The following OXR1 variants were observed in gnomAD, a reference collection of about 807,000 sequenced individuals.
The protein encoded by OXR1 is oxidation resistance 1.
In OXR1, 41 loss-of-function variants were observed where a neutral mutation model predicts 104.6. The ratio of observed to expected loss-of-function variants is 0.39; its 90% confidence interval spans 0.31 to 0.51. The LOEUF (loss-of-function observed/expected upper bound fraction) is 0.51, where lower values mean the gene tolerates loss of function less well. OXR1 is among the 20% of genes least tolerant of loss of function. The pLI is 0.77. For missense variants in OXR1, 955 were observed against 1,031.9 expected, an observed-to-expected ratio of 0.93 and a Z score of 1.02; for synonymous variants, 348 against 348.4, an observed-to-expected ratio of 1.00 and a Z score of 0.01.
chr8:106,671,989 TA>T (rs921658374), intron 3 of OXR1, among the ~76,000 whole-genome samples: 1 of 144,344 alleles, frequency 6.9e-6, no homozygotes, highest in Non-Finnish European at 1.5e-5. Flanking sequence ...ATAATAATAA[TA>T]ATAATAATAA....
intron 2 of OXR1, among the ~76,000 whole-genome samples, chr8:106,489,693 T>C (rs1232550011): frequency 1.3e-5 from 2 of 152,174 alleles, no homozygotes; most frequent in South Asian, 2.1e-4. Flanking sequence ...TTTCAAAAAC[T>C]ATTTCATTTT....
At chr8:106,691,875 G>A (rs1829320344) in intron 6 of OXR1, among the ~76,000 whole-genome samples, 1 of 150,056 alleles carries the variant, frequency 6.7e-6, no homozygotes, top group South Asian at 2.1e-4. Flanking sequence ...TGATAACATA[G>A]GTTTGCATCT....
At position 106,684,269 on chromosome 8, in the gene OXR1, A is replaced by C; in HGVS notation, c.435A>C (p.Glu145Asp). 6.3e-7 allele frequency: 1 copy of C among 1,597,424 alleles called. No homozygotes were observed. The highest frequency in any genetic ancestry group is 8.6e-7 in the Non-Finnish European group (1 of 1,165,192). The change falls in exon 6 of 17, where the codon GAA (glutamate) becomes GAC (aspartate). Residue 145 changes from glutamate to aspartate, a missense_variant. Glu to Asp is a conservative substitution (Grantham distance 45). This residue lies in a region of OXR1 where 849 missense variants were observed against 852.9 expected (regional missense o/e 1.00). Transcript: ENST00000517566. ...TGQVLYVPDP[E>D]YVSSVESSPS... ...AGGTTCTGTATGTTCCTGATCCTGAATATGTCTCCAGTGTTGAGAGCTCTC... is the reference window on the plus strand; with the variant it reads ...AGGTTCTGTATGTTCCTGATCCTGACTATGTCTCCAGTGTTGAGAGCTCTC...
At chr8:106,492,671 A>G (rs997669402) in intron 2 of OXR1, among the ~76,000 whole-genome samples, 7 of 152,176 alleles carry the variant, frequency 4.6e-5, no homozygotes, top group African/African-American at 1.4e-4. Context: ...TGTCTTTCAG[A>G]TCCTTTACAA....
intron 11 of OXR1, among the ~76,000 whole-genome samples, chr8:106,733,973 A>G (rs1317630803): frequency 6.8e-6 from 1 of 146,120 alleles, no homozygotes; most frequent in Non-Finnish European, 1.5e-5. Flanking sequence ...AACTTCACTA[A>G]TAGAATTAAT....
intron 2 of OXR1, among the ~76,000 whole-genome samples, chr8:106,443,268 A>T (rs1819867054): frequency 6.6e-6 from 1 of 151,894 alleles, no homozygotes. Context: ...GTACTGAGAG[A>T]CTGTTTATTA....
intron 1 of OXR1, among the ~76,000 whole-genome samples, chr8:106,274,293 C>T (rs1811937745): frequency 6.6e-6 from 1 of 152,110 alleles, no homozygotes; most frequent in Non-Finnish European, 1.5e-5. Flanking sequence ...AGATACTGTT[C>T]TAATATCCCC....
intron 2 of OXR1, among the ~76,000 whole-genome samples, chr8:106,402,030 G>A (rs528867978): frequency 1.3e-5 from 2 of 152,160 alleles, no homozygotes; most frequent in Non-Finnish European, 2.9e-5. Context: ...TATTGACAGG[G>A]ATGGAGAAAA....
intron 2 of OXR1, among the ~76,000 whole-genome samples, chr8:106,452,987 A>C (rs1820405630): frequency 6.6e-6 from 1 of 152,100 alleles, no homozygotes; most frequent in Non-Finnish European, 1.5e-5. Flanking sequence ...CATATATTGA[A>C]AATTGCCCCA....
intron 1 of OXR1, among the ~76,000 whole-genome samples, chr8:106,270,646 C>T (rs958189082): frequency 6.6e-6 from 1 of 151,866 alleles, no homozygotes; most frequent in Non-Finnish European, 1.5e-5. Context: ...GGGAGGAGAC[C>T]GGGCGGCGAG....
At chr8:106,320,734 C>A (rs1045462711) in intron 1 of OXR1, among the ~76,000 whole-genome samples, 1 of 152,030 alleles carries the variant, frequency 6.6e-6, no homozygotes, top group Non-Finnish European at 1.5e-5. Context: ...TGCAGTGACA[C>A]AATCTCGGCT....
At chr8:106,503,043 A>G (rs965246515) in intron 2 of OXR1, among the ~76,000 whole-genome samples, 5 of 152,182 alleles carry the variant, frequency 3.3e-5, no homozygotes, top group Non-Finnish European at 7.3e-5. Context: ...GCCCCAAAGG[A>G]TAGCAACATT....
At chr8:106,402,819 CT>C (rs1818053114) in intron 2 of OXR1, among the ~76,000 whole-genome samples, 1 of 151,992 alleles carries the variant, frequency 6.6e-6, no homozygotes, top group Non-Finnish European at 1.5e-5. Flanking sequence ...TTCTTTCTTT[CT>C]TTTCTTTTTT....
Position 106,474,012 on chromosome 8 carries a change from T to TACACACAC in OXR1, c.24-44895_24-44888dup, listed in dbSNP as rs199751152. On this transcript the variant is annotated intron_variant, in intron 2 of 16. Transcript: ENST00000517566. ...ATATAATATATGTATTGTATATTTATACACACACACACACACACACACACA... is the reference window on the plus strand; with the variant it reads ...ATATAATATATGTATTGTATATTTATACACACACACACACACACACACACACACACACA... 1.1e-3 allele frequency among the ~76,000 whole-genome samples: 156 copies of TACACACAC among 137,404 alleles called. 1 individual carries two copies. Among genetic ancestry groups the TACACACAC allele is most frequent in the African/African-American group, 2.5e-3 (93 of 37,560 alleles). 90.1% of individuals were successfully genotyped at this position (137,404 alleles called of 152,430 possible).
At chr8:106,320,667 T>C (rs1286609187) in intron 1 of OXR1, among the ~76,000 whole-genome samples, 1 of 134,890 alleles carries the variant, frequency 7.4e-6, no homozygotes, top group East Asian at 2.0e-4. Context: ...TTTTCTCTCA[T>C]TCTTCTTTTT....
intron 3 of OXR1, among the ~76,000 whole-genome samples, chr8:106,646,910 A>G (rs1027522485): frequency 2.0e-5 from 3 of 152,244 alleles, no homozygotes; most frequent in Non-Finnish European, 2.9e-5. Context: ...CATTGGTAAT[A>G]CCAATTGGCA....
At chr8:106,644,474 G>A (rs933576182) in intron 3 of OXR1, among the ~76,000 whole-genome samples, 15 of 152,306 alleles carry the variant, frequency 9.8e-5, no homozygotes, top group African/African-American at 3.4e-4. Flanking sequence ...ATTTCTTGAT[G>A]TATTTCTTGT....
At chr8:106,401,411 T>G (rs1239142150) in intron 2 of OXR1, among the ~76,000 whole-genome samples, 1 of 152,034 alleles carries the variant, frequency 6.6e-6, no homozygotes, top group Non-Finnish European at 1.5e-5. Flanking sequence ...AAAAACAGAG[T>G]AGTTATCTAC....
intron 2 of OXR1, among the ~76,000 whole-genome samples, chr8:106,500,584 A>T (rs1010013894): frequency 1.3e-5 from 2 of 152,174 alleles, no homozygotes; most frequent in Non-Finnish European, 2.9e-5. Context: ...TAGCTTGACG[A>T]TGCTCCCAGC....
Sources: allele counts gnomAD v4.1 joint callset (sites outside exome capture counted in the v4.1 genomes callset), GRCh38; gene constraint gnomAD v4.1.1; regional missense constraint gnomAD v4.1.1; transcripts MANE v1.5; gene names NCBI Gene and HGNC (gene_info 2026-07-23, HGNC 2026-07-21).